Variants in CCSER1 observed in about 807,000 individuals in gnomAD.
The protein encoded by CCSER1 is coiled-coil serine rich protein 1, also known as serine-rich coiled-coil domain-containing protein 1.
CCSER1 carries 41 observed loss-of-function variants against 82.0 expected under a neutral mutation model. The observed-to-expected ratio is 0.50, with a 90% CI of 0.39 to 0.65. The LOEUF (loss-of-function observed/expected upper bound fraction) is 0.65, where lower values mean the gene tolerates loss of function less well. CCSER1 is among the 30% of genes least tolerant of loss of function. The pLI is 0.00. For synonymous variants in CCSER1, 414 were observed against 383.9 expected (o/e 1.08, Z -0.92); for missense variants, 1,119 against 1,064.2 (o/e 1.05, Z -0.72).
At chr4:90,950,227 C>A (rs1377447349) in intron 9 of CCSER1, among the ~76,000 whole-genome samples, 1 of 152,050 alleles carries the variant, frequency 6.6e-6, no homozygotes, top group Non-Finnish European at 1.5e-5. Context: ...GTAACATTTT[C>A]ATGGCTATAT....
At chr4:91,459,350 C>CATAT (rs371184963) in intron 10 of CCSER1, among the ~76,000 whole-genome samples, 2 of 151,510 alleles carry the variant, frequency 1.3e-5, no homozygotes, top group South Asian at 4.1e-4. Context: ...TGTATACATG[C>CATAT]ATATATATAT....
At chr4:90,270,130 A>G (rs1266586925) in intron 1 of CCSER1, among the ~76,000 whole-genome samples, 1 of 152,058 alleles carries the variant, frequency 6.6e-6, no homozygotes, top group Non-Finnish European at 1.5e-5. Flanking sequence ...AACTACTCCA[A>G]ATATTATAGG....
chr4:90,934,648 T>A (rs1047444722), intron 9 of CCSER1, among the ~76,000 whole-genome samples: 2 of 152,138 alleles, frequency 1.3e-5, no homozygotes, highest in Non-Finnish European at 2.9e-5. Flanking sequence ...TGGGGGACTA[T>A]CTGCTGGGCA....
intron 10 of CCSER1, among the ~76,000 whole-genome samples, chr4:91,445,740 C>T (rs138983670): frequency 6.6e-6 from 1 of 151,976 alleles, no homozygotes; most frequent in African/African-American, 2.4e-5. Context: ...CATATATTAC[C>T]CCCAAATTTG....
At chr4:91,482,206 T>A (rs1757961524) in intron 10 of CCSER1, among the ~76,000 whole-genome samples, 1 of 148,506 alleles carries the variant, frequency 6.7e-6, no homozygotes, top group Non-Finnish European at 1.5e-5. Context: ...ATCGAGACCA[T>A]CCTGGCTAAC....
intron 1 of CCSER1, among the ~76,000 whole-genome samples, chr4:90,271,862 A>ATTTTTT (rs1176154331): frequency 1.8e-4 from 4 of 21,762 alleles, no homozygotes; most frequent in African/African-American, 5.1e-4. Flanking sequence ...ATATATATAT[A>ATTTTTT]TTTTTTTTTT....
chr4:90,614,139 T>G (rs1720772929), intron 5 of CCSER1, among the ~76,000 whole-genome samples: 1 of 152,166 alleles, frequency 6.6e-6, no homozygotes, highest in South Asian at 2.1e-4. Flanking sequence ...ATTATATTAG[T>G]TATGGTGATC....
At chr4:91,362,047 A>G (rs532373757) in intron 10 of CCSER1, among the ~76,000 whole-genome samples, 1 of 151,980 alleles carries the variant, frequency 6.6e-6, no homozygotes, top group African/African-American at 2.4e-5. Context: ...AAAGAAAGCA[A>G]TGAAGGCCCT....
At chr4:91,317,109 T>C (rs1367472703) in intron 10 of CCSER1, among the ~76,000 whole-genome samples, 4 of 152,030 alleles carry the variant, frequency 2.6e-5, no homozygotes, top group Non-Finnish European at 2.9e-5. Flanking sequence ...GATTTAATCA[T>C]TCCACAATTT....
intron 3 of CCSER1, among the ~76,000 whole-genome samples, chr4:90,321,067 G>C (rs567054389): frequency 1.3e-5 from 2 of 152,072 alleles, no homozygotes; most frequent in South Asian, 2.1e-4. Context: ...TTGTGTTAGG[G>C]ACATTCCAAT....
chr4:90,301,682 T>C (rs988495867), intron 1 of CCSER1, among the ~76,000 whole-genome samples: 2 of 152,132 alleles, frequency 1.3e-5, no homozygotes, highest in Non-Finnish European at 2.9e-5. Flanking sequence ...CTTCATATTT[T>C]TAAGACCTAT....
chr4:91,056,321 T>TA (rs1743444432), intron 9 of CCSER1, among the ~76,000 whole-genome samples: 1 of 152,100 alleles, frequency 6.6e-6, no homozygotes, highest in Non-Finnish European at 1.5e-5. Flanking sequence ...AAAAAGAAGA[T>TA]AATTTATCAT....
intron 1 of CCSER1, among the ~76,000 whole-genome samples, chr4:90,286,171 TCTC>T (rs889792938): frequency 2.6e-5 from 4 of 152,082 alleles, no homozygotes; most frequent in African/African-American, 9.6e-5. Flanking sequence ...GGAAATAGCC[TCTC>T]CTCCTCAACT....
rs74911599 is a variant in CCSER1 at position 90,193,002 on chromosome 4, A to G, written c.-42+65171A>G. Reference sequence around the variant, plus strand: ...TAAAATAAATTTTATTAGGATTCCTATTACCACCTCAGCATGCCTGTGACA... The same window carrying G: ...TAAAATAAATTTTATTAGGATTCCTGTTACCACCTCAGCATGCCTGTGACA... On this transcript the variant is annotated intron_variant, in intron 1 of 10. Transcript: ENST00000509176. Among the ~76,000 whole-genome samples the G allele has an allele frequency of 4.9e-3, 751 of 152,214 alleles. 6 individuals carry two copies. Among genetic ancestry groups the G allele is most frequent in the African/African-American group, 0.017 (727 of 41,558 alleles).
intron 10 of CCSER1, among the ~76,000 whole-genome samples, chr4:91,168,626 C>T (rs1291940607): frequency 6.6e-6 from 1 of 150,736 alleles, no homozygotes; most frequent in East Asian, 2.0e-4. Context: ...TCTCTGCCCA[C>T]CTGCCCATCT....
chr4:91,352,753 G>A (rs1188635882), intron 10 of CCSER1, among the ~76,000 whole-genome samples: 1 of 152,176 alleles, frequency 6.6e-6, no homozygotes, highest in Non-Finnish European at 1.5e-5. Context: ...CCATTTTAGA[G>A]ACAATCCACC....
At chr4:91,269,450 G>T (rs1741859147) in intron 10 of CCSER1, among the ~76,000 whole-genome samples, 1 of 152,064 alleles carries the variant, frequency 6.6e-6, no homozygotes, top group African/African-American at 2.4e-5. Flanking sequence ...CTACATAAAA[G>T]CTTGAAGGAT....
chr4:90,786,651 A>T (rs1754559117), intron 7 of CCSER1, among the ~76,000 whole-genome samples: 4 of 152,182 alleles, frequency 2.6e-5, no homozygotes, highest in Admixed American at 2.6e-4. Flanking sequence ...TGTGTACAGA[A>T]AATCTCTCTG....
chr4:90,128,827 TTC>T (rs147910382), intron 1 of CCSER1, among the ~76,000 whole-genome samples: 34 of 149,974 alleles, frequency 2.3e-4, no homozygotes, highest in African/African-American at 5.8e-4. Flanking sequence ...ACTGCTCTCT[TTC>T]TCTCTCTCTC....
Sources: gnomAD v4.1 joint callset for allele counts (sites outside exome capture counted in the v4.1 genomes callset) on GRCh38, gnomAD v4.1.1 for gene constraint, MANE v1.5 for transcripts, NCBI Gene and HGNC (gene_info 2026-07-23, HGNC 2026-07-21) for gene names.